STAC3: variants seen among roughly 807,000 people sequenced by gnomAD.
The protein encoded by STAC3 is SH3 and cysteine rich domain 3.
Under a neutral mutation model 48.5 loss-of-function variants are expected in STAC3, and 30 were observed. The ratio of observed to expected loss-of-function variants is 0.62; its 90% CI spans 0.46 to 0.84. STAC3 has a LOEUF of 0.84. Ranked by LOEUF, STAC3 falls within the 40% of genes least tolerant of loss-of-function variation. The pLI is 0.00. For missense variants in STAC3, 419 were observed against 462.6 expected (o/e 0.91, Z 0.86); for synonymous variants, 144 against 158.6 (o/e 0.91, Z 0.69).
intron 4 of STAC3, 80 bp from the exon 5 acceptor site, chr12:57,248,278 T>G: frequency 2.6e-6 from 3 of 1,169,860 alleles, no homozygotes; most frequent in Non-Finnish European, 3.9e-6. Context: ...GTGCTCACCC[T>G]TTCTCAGAAA....
rs1034538816 is a variant in STAC3, at chr12:57,244,744, T to G, written c.721-122A>C. 7 of 1,411,252 alleles carry G rather than the reference T, an allele frequency of 5.0e-6. No individual in the cohort carries two copies. In the Admixed American group the frequency reaches 1.2e-4, roughly 25 times the overall value. The allele number at this position is 1,411,252 out of a possible 1,614,324, so 87.4% of individuals were successfully genotyped here. On this transcript the variant is annotated intron_variant, in intron 8 of 11. Coordinates refer to ENST00000332782, the MANE Select transcript of STAC3 (RefSeq NM_145064.3). ...CCAACTCTCTTCTAGGTCCCTGAAC[T>G]GAGAGAAGTGTTTTGGTCGTGGGTG...
rs2037661194 is a variant in STAC3 at position 57,243,756 on chromosome 12, A to T, written c.*56T>A. The T allele has an allele frequency of 6.5e-7, 1 of 1,544,292 alleles. No homozygotes were observed. Among genetic ancestry groups the T allele is most frequent in the Admixed American group, 1.7e-5 (1 of 58,172 alleles). On this transcript the variant is annotated 3_prime_UTR_variant, in exon 12 of 12. Transcript: ENST00000332782. ...GCTTTCGCCCCCCTCCCCAAACTCC[A>T]CTGGGCCCGCCCAGAATGGGGTGTG...
In STAC3 at chr12:57,243,810, G is replaced by A. The variant is rs3204635; in HGVS notation, c.*2C>T. The A allele has an allele frequency of 0.28, 451,333 of 1,612,394 alleles. 66,431 individuals are homozygous for A. Among genetic ancestry groups the A allele is most frequent in the South Asian group, 0.43 (39,465 of 91,006 alleles). ...GTCTCCCGCTTGCAGGCGCCCGCAC[G>A]CCTAAATTTCCTCTAGAAAGTCGGT... On this transcript the variant is annotated 3_prime_UTR_variant, in exon 12 of 12. Transcript: ENST00000332782.
intron 8 of STAC3, 87 bp from the exon 9 acceptor site, chr12:57,244,709 A>T (rs2037689363): frequency 4.0e-6 from 6 of 1,493,318 alleles, no homozygotes; most frequent in Admixed American, 1.7e-5. Context: ...TTCACCACAC[A>T]CTCTACACTC....
At chr12:57,245,114 C>G in intron 7 of STAC3, 31 bp downstream of exon 7, 1 of 1,613,344 alleles carries the variant, frequency 6.2e-7, no homozygotes, top group Non-Finnish European at 8.5e-7. Flanking sequence ...TGATCCTACT[C>G]CATCTCTGGA....
At chr12:57,247,237 A>C (rs990508600) in intron 5 of STAC3, among the ~76,000 whole-genome samples, 28 of 151,896 alleles carry the variant, frequency 1.8e-4, no homozygotes, top group Admixed American at 4.6e-4. Flanking sequence ...TCTAAGGAGA[A>C]TGGGCCCTTA....
rs2037797320 is a variant in STAC3, at chr12:57,248,111, A to G, written c.505+15T>C. On this transcript the variant is annotated intron_variant, in intron 5 of 11. Transcript: ENST00000332782. ...AGGCTTGCCCATTCCCTCATGTTCC[A>G]TAAAGGGCACTTACAGAGATCTTTG... The G allele has an allele frequency of 3.1e-6, 5 of 1,609,674 alleles. No individual in the cohort carries two copies. Among genetic ancestry groups the G allele is most frequent in the African/African-American group, 1.3e-5 (1 of 74,852 alleles).
At position 57,244,225 on chromosome 12, in the gene STAC3, C is replaced by T. The variant is rs768724746; in HGVS notation, c.859G>A (p.Gly287Arg). 1.9e-6 allele frequency: 3 copies of T among 1,614,058 alleles called. No homozygotes were observed. In the African/African-American group the frequency reaches 4.0e-5, roughly 22 times the overall value. The part of the protein sequence containing the change: ...IDDSNEEWWR[G>R]KIGEKVGFFP... Reference sequence around the variant, plus strand: ...AATCCGACCTTCTCCCCGATTTTCCCCTAGGGAAGATAGTAGGGAGAGTCC... The same window carrying T: ...AATCCGACCTTCTCCCCGATTTTCCTCTAGGGAAGATAGTAGGGAGAGTCC... The change falls in exon 11 of 12, where the codon GGG becomes AGG. Residue 287 changes from glycine (G) to arginine (R), a missense_variant and splice_region_variant. Physicochemically the swap from Gly to Arg is moderately radical, Grantham distance 125. Transcript: ENST00000332782.
In STAC3 at chr12:57,245,199, T is replaced by G. The variant is rs1420318424; in HGVS notation, c.616A>C (p.Met206Leu). ...GCCGACTCTGGCTCCTCCTCCATCA[T>G]GGCTGCTACAGGCTGGAGGGGGCAC... ...QADKKNPVAA[M>L]MEEEPESARP... The change falls in exon 7 of 12, where the codon ATG becomes CTG. Residue 206 changes from methionine to leucine, a missense_variant. Physicochemically the swap from Met to Leu is conservative, Grantham distance 15. Transcript: ENST00000332782. The G allele has an allele frequency of 1.9e-6, 3 of 1,614,070 alleles. No individual in the cohort carries two copies.
intron 5 of STAC3, among the ~76,000 whole-genome samples, chr12:57,247,425 ATTATTTT>A (rs1435345496): frequency 3.6e-4 from 21 of 58,952 alleles, no homozygotes; most frequent in African/African-American, 1.1e-3. Context: ...TATTATTATT[ATTATTTT>A]TTTTTTTTTT....
In STAC3 at chr12:57,243,706, C is replaced by T; in HGVS notation, c.*106G>A. 9.3e-7 allele frequency: 1 copy of T among 1,077,136 alleles called. No homozygotes were observed. The highest frequency in any genetic ancestry group is 1.4e-6 in the Non-Finnish European group (1 of 713,622). The allele number at this position is 1,077,136 out of a possible 1,614,324, so 66.7% of individuals were successfully genotyped here. ...CGTCGCGCTCAGGCGGGCCTTCCTA[C>T]CCCTCCTCTCCCAGCAGTCCCGTTG... On this transcript the variant is annotated 3_prime_UTR_variant, in exon 12 of 12. Coordinates refer to ENST00000332782, the MANE Select transcript of STAC3 (RefSeq NM_145064.3).
At position 57,245,375 on chromosome 12, in the gene STAC3, C is replaced by CTT. The variant is rs374655952; in HGVS notation, c.604-166_604-165dup. Among the ~76,000 whole-genome samples the CTT allele has an allele frequency of 1.7e-3, 240 of 143,988 alleles. 3 individuals carry two copies. Among genetic ancestry groups the CTT allele is most frequent in the African/African-American group, 5.4e-3 (211 of 38,904 alleles). 94.5% of individuals were successfully genotyped at this position (143,988 alleles called of 152,430 possible). On this transcript the variant is annotated intron_variant, in intron 6 of 11. Coordinates refer to ENST00000332782, the MANE Select transcript of STAC3 (RefSeq NM_145064.3). ...TTCAGCCATCTGCCTAATGCAGGAA[C>CTT]TTTTTTTTTTTTTTTGAGACGGGTC...
At chr12:57,247,009 G>T in intron 5 of STAC3, 108 bp from the exon 6 acceptor site, 2 of 1,089,890 alleles carry the variant, frequency 1.8e-6, no homozygotes, top group Non-Finnish European at 2.8e-6. Context: ...TGTGTGTGTT[G>T]GGTGGCGGTG....
At position 57,244,629 on chromosome 12, in the gene STAC3, G is replaced by T; in HGVS notation, c.721-7C>A. 1 of 1,614,192 alleles carries T rather than the reference G, an allele frequency of 6.2e-7. No homozygotes were observed. The highest frequency in any genetic ancestry group is 1.6e-4 in the Middle Eastern group (1 of 6,062). On this transcript the variant is annotated splice_polypyrimidine_tract_variant and splice_region_variant and intron_variant, in intron 8 of 11. Coordinates refer to ENST00000332782, the MANE Select transcript of STAC3 (RefSeq NM_145064.3). ...GGAAGCCAGGCTGCTTGTGCTGGGG[G>T]TGCAAGGGAATGATGAGTCTTAGGG...
At chr12:57,246,479 G>A (rs1173639657) in intron 6 of STAC3, among the ~76,000 whole-genome samples, 3 of 150,508 alleles carry the variant, frequency 2.0e-5, no homozygotes, top group African/African-American at 4.9e-5. Flanking sequence ...GGGTTCAAGC[G>A]ATTCTCCTGC....
chr12:57,248,615 C>T lies in STAC3; in HGVS notation c.432+91G>A, dbSNP rs549016718. 2.9e-3 allele frequency: 2,802 copies of T among 981,196 alleles called. 80 individuals are homozygous for T. The South Asian group carries it at 0.035, about 12-fold the overall frequency. 60.8% of individuals were successfully genotyped at this position (981,196 alleles called of 1,614,324 possible). On this transcript the variant is annotated intron_variant, in intron 4 of 11. Transcript: ENST00000332782. ...GTCTCGATCTCCTGACCTCGTGATC[C>T]GCCCACCTCAGCCTCCCAAAGTGCT...
At chr12:57,244,248 T>C in intron 10 of STAC3, 23 bp from the exon 11 acceptor site, 1 of 1,613,480 alleles carries the variant, frequency 6.2e-7, no homozygotes, top group South Asian at 1.1e-5. Context: ...GTAGGGAGAG[T>C]CCATCTCTCA....
chr12:57,249,405 C>A, intron 2 of STAC3, 97 bp from the exon 3 acceptor site: 1 of 1,505,864 alleles, frequency 6.6e-7, no homozygotes, highest in Non-Finnish European at 8.9e-7. Flanking sequence ...TTTCTAGTTT[C>A]AGGCAAGGAA....
At position 57,248,690 on chromosome 12, in the gene STAC3, T is replaced by C. The variant is rs2136834157; in HGVS notation, c.432+16A>G. On this transcript the variant is annotated intron_variant, in intron 4 of 11. Coordinates refer to ENST00000332782, the MANE Select transcript of STAC3 (RefSeq NM_145064.3). The stretch of plus-strand genomic sequence containing the variant: ...GCGTGGCCATGTCCCCTCCTTGCTC[T>C]CCACAGCCTACTCACGATCTTGCCG... 1 of 1,604,502 alleles carries C rather than the reference T, an allele frequency of 6.2e-7. No individual in the cohort carries two copies. Among genetic ancestry groups the C allele is most frequent in the Non-Finnish European group, 8.5e-7 (1 of 1,175,752 alleles).
Sources: allele counts gnomAD v4.1 joint callset (sites outside exome capture counted in the v4.1 genomes callset), GRCh38; gene constraint gnomAD v4.1.1; transcripts MANE v1.5; gene names NCBI Gene and HGNC (gene_info 2026-07-23, HGNC 2026-07-21).